The following PHLPP1 variants were observed in gnomAD, a reference collection of about 807,000 sequenced individuals.
PHLPP1 encodes the protein PH domain and leucine rich repeat protein phosphatase 1.
A neutral mutation model predicts 117.2 loss-of-function variants in PHLPP1; 42 were observed. The ratio of observed to expected loss-of-function variants is 0.36; its 90% CI spans 0.28 to 0.46. The LOEUF (loss-of-function observed/expected upper bound fraction) is 0.46. PHLPP1 is among the 20% of genes least tolerant of loss of function. The pLI is 1.00. For missense variants in PHLPP1, 2,084 were observed against 2,241.9 expected (o/e 0.93, Z 1.42); for synonymous variants, 1,042 against 970.7 (o/e 1.07, Z -1.37).
intron 1 of PHLPP1, among the ~76,000 whole-genome samples, chr18:62,737,069 A>G (rs141197849): frequency 8.2e-4 from 125 of 152,298 alleles, no homozygotes; most frequent in African/African-American, 2.5e-3. Context: ...AAAACTTGAA[A>G]TGCCTTATTG....
intron 1 of PHLPP1, among the ~76,000 whole-genome samples, chr18:62,752,520 G>A (rs554693294): frequency 1.8e-3 from 279 of 152,318 alleles, no homozygotes; most frequent in African/African-American, 6.5e-3. Flanking sequence ...ATAAAGAGGG[G>A]AACTAGAATG....
At chr18:62,803,250 A>C (rs538686735) in intron 1 of PHLPP1, among the ~76,000 whole-genome samples, 4 of 152,254 alleles carry the variant, frequency 2.6e-5, no homozygotes, top group African/African-American at 9.6e-5. Flanking sequence ...TTTAAGAAAA[A>C]TCAGATCTTT....
intron 1 of PHLPP1, among the ~76,000 whole-genome samples, chr18:62,765,666 T>A (rs1219352173): frequency 2.0e-5 from 3 of 152,078 alleles, no homozygotes; most frequent in African/African-American, 7.2e-5. Flanking sequence ...TTAAGATGCA[T>A]GTGTTCTCAA....
chr18:62,766,076 A>AAAAAAAATATATATATAT, intron 1 of PHLPP1, among the ~76,000 whole-genome samples: 7 of 21,656 alleles, frequency 3.2e-4, no homozygotes, highest in African/African-American at 8.9e-4. Context: ...AAAAAAAAAA[A>AAAAAAAATATATATATAT]ATATATATAT....
At chr18:62,933,188 CCAAA>C (rs916983271) in intron 10 of PHLPP1, among the ~76,000 whole-genome samples, 18 of 152,154 alleles carry the variant, frequency 1.2e-4, no homozygotes, top group South Asian at 4.2e-4. Context: ...GTTATACTGC[CCAAA>C]CAGTCTACAG....
intron 10 of PHLPP1, among the ~76,000 whole-genome samples, chr18:62,930,469 A>AT (rs1909775267): frequency 6.6e-6 from 1 of 151,918 alleles, no homozygotes; most frequent in Non-Finnish European, 1.5e-5. Context: ...AACAGTAAAA[A>AT]AAAATTGCAT....
chr18:62,815,993 GTA>G (rs1219451952), intron 1 of PHLPP1, among the ~76,000 whole-genome samples: 2 of 152,172 alleles, frequency 1.3e-5, no homozygotes, highest in East Asian at 3.9e-4. Flanking sequence ...CATATCAATA[GTA>G]TTGTTTCAAG....
intron 8 of PHLPP1, among the ~76,000 whole-genome samples, chr18:62,912,302 T>TAA (rs36028962): frequency 0.067 from 8,837 of 131,336 alleles, 380 homozygotes; most frequent in Non-Finnish European, 0.1. Context: ...TAGAGTATAA[T>TAA]AAAAAAAAAA....
chr18:62,854,129 G>A (rs2144356080), intron 3 of PHLPP1, among the ~76,000 whole-genome samples: 1 of 152,298 alleles, frequency 6.6e-6, no homozygotes, highest in Admixed American at 6.5e-5. Context: ...TGTATGTCAA[G>A]TTGTGTGGAC....
At position 62,830,211 on chromosome 18, in the gene PHLPP1, C is replaced by T. The variant is rs754199616; in HGVS notation, c.1753C>T (p.Leu585=). The T allele has an allele frequency of 1.2e-5, 19 of 1,561,204 alleles. No homozygotes were observed. Among genetic ancestry groups the T allele is most frequent in the Admixed American group, 9.7e-5 (5 of 51,486 alleles). ...CAGCTTGACCGGAAAGATGCATGTTCTGCCACTAATTGGTGGAAAAGTAAG... is the reference window on the plus strand; with the variant it reads ...CAGCTTGACCGGAAAGATGCATGTTTTGCCACTAATTGGTGGAAAAGTAAG... ...KDSLTGKMHV[L]PLIGGKVEEV... is the part of the protein sequence containing the mutation. The change falls in exon 2 of 17, where the codon CTG becomes TTG. Residue 585 remains leucine (L), a synonymous_variant. Coordinates refer to ENST00000262719, the MANE Select transcript of PHLPP1 (RefSeq NM_194449.4).
At chr18:62,842,388 G>A (rs1162243558) in intron 3 of PHLPP1, among the ~76,000 whole-genome samples, 2 of 151,564 alleles carry the variant, frequency 1.3e-5, no homozygotes, top group South Asian at 2.1e-4. Context: ...TTTTGAGATG[G>A]AGTCTTGCTC....
At chr18:62,784,690 C>A (rs1913225941) in intron 1 of PHLPP1, among the ~76,000 whole-genome samples, 1 of 152,202 alleles carries the variant, frequency 6.6e-6, no homozygotes, top group African/African-American at 2.4e-5. Flanking sequence ...ACTATTTGGT[C>A]ATTTCATTTA....
intron 10 of PHLPP1, among the ~76,000 whole-genome samples, chr18:62,924,676 GAAAAAAAAA>G (rs35464959): frequency 1.1e-5 from 1 of 93,610 alleles, no homozygotes; most frequent in Non-Finnish European, 2.0e-5. Context: ...ACTACAAATT[GAAAAAAAAA>G]AAAAAAAAAA....
chr18:62,767,284 T>C (rs1218181080), intron 1 of PHLPP1, among the ~76,000 whole-genome samples: 2 of 152,222 alleles, frequency 1.3e-5, no homozygotes, highest in Admixed American at 1.3e-4. Context: ...CTTCAGCTTT[T>C]CAAAAGTGCC....
chr18:62,760,011 A>C (rs902995080), intron 1 of PHLPP1, among the ~76,000 whole-genome samples: 9 of 151,998 alleles, frequency 5.9e-5, no homozygotes, highest in Admixed American at 2.6e-4. Flanking sequence ...TGGGTTCCAT[A>C]CTTGTCTTTG....
chr18:62,805,166 G>T lies in PHLPP1; in HGVS notation c.1577-24869G>T, dbSNP rs575036117. ...ATACAGTATAATATACACTGCATAG[G>T]TTATACATATACAGTATAATATACA... On this transcript the variant is annotated intron_variant, in intron 1 of 16. Transcript: ENST00000262719. Among the ~76,000 whole-genome samples, 302 of 136,144 alleles carry T rather than the reference G, an allele frequency of 2.2e-3. 1 individual carries two copies. The highest frequency in any genetic ancestry group is 6.2e-3 in the African/African-American group (226 of 36,470). The allele number at this position is 136,144 out of a possible 152,430, so 89.3% of individuals were successfully genotyped here.
intron 2 of PHLPP1, among the ~76,000 whole-genome samples, chr18:62,830,819 G>A (rs187666150): frequency 4.6e-4 from 70 of 152,180 alleles, no homozygotes; most frequent in African/African-American, 1.6e-3. Flanking sequence ...TGATAAATTC[G>A]TTACTTATGA....
At position 62,824,172 on chromosome 18, in the gene PHLPP1, G is replaced by A. The variant is rs113931742; in HGVS notation, c.1577-5863G>A. On this transcript the variant is annotated intron_variant, in intron 1 of 16. Transcript: ENST00000262719. ...AATGTTGACAGGGATGTGGAGCATCGGGAACTCTCTGCACTGGTGCTGGGG... is the reference window on the plus strand; with the variant it reads ...AATGTTGACAGGGATGTGGAGCATCAGGAACTCTCTGCACTGGTGCTGGGG... 1,766 of 455,346 alleles carry A rather than the reference G, an allele frequency of 3.9e-3. 5 individuals carry two copies. Among genetic ancestry groups the A allele is most frequent in the Non-Finnish European group, 4.9e-3 (1,105 of 226,630 alleles). The allele number at this position is 455,346 out of a possible 1,614,324, so 28.2% of individuals were successfully genotyped here.
Position 62,925,166 on chromosome 18 carries a change from G to C in PHLPP1, c.2960+5052G>C, listed in dbSNP as rs1182436734. 2.6e-5 allele frequency among the ~76,000 whole-genome samples: 4 copies of C among 152,218 alleles called. No homozygotes were observed. The East Asian group carries it at 7.8e-4, about 30-fold the overall frequency. The stretch of plus-strand genomic sequence containing the variant: ...CTCCATGGGTCACCGGAGTGGATGA[G>C]ACATTGCCAGAGGGATTGCCATCCT... On this transcript the variant is annotated intron_variant, in intron 10 of 16. Coordinates refer to ENST00000262719, the MANE Select transcript of PHLPP1 (RefSeq NM_194449.4).
Sources: gnomAD v4.1 joint callset for allele counts (sites outside exome capture counted in the v4.1 genomes callset) on GRCh38, gnomAD v4.1.1 for gene constraint, MANE v1.5 for transcripts, NCBI Gene and HGNC (gene_info 2026-07-23, HGNC 2026-07-21) for gene names.